The following GUCY1A2 variants were observed in gnomAD, a reference collection of about 807,000 sequenced individuals.
GUCY1A2 encodes the protein guanylate cyclase soluble subunit alpha-2.
A neutral mutation model predicts 63.5 loss-of-function variants in GUCY1A2; 27 were observed. The observed-to-expected ratio is 0.43, with a 90% CI of 0.31 to 0.59. The LOEUF is 0.59. GUCY1A2 is among the 20% of genes least tolerant of loss of function. GUCY1A2 has a pLI of 0.11. For synonymous variants in GUCY1A2, 364 were observed against 343.5 expected, an observed-to-expected ratio of 1.06 and a Z score of -0.66; for missense variants, 768 against 913.3, an observed-to-expected ratio of 0.84 and a Z score of 2.05.
intron 6 of GUCY1A2, among the ~76,000 whole-genome samples, chr11:106,752,929 C>T (rs1332045184): frequency 6.6e-6 from 1 of 152,154 alleles, no homozygotes; most frequent in Non-Finnish European, 1.5e-5. Flanking sequence ...CTTGAGGAAT[C>T]ACCACACTGT....
intron 5 of GUCY1A2, among the ~76,000 whole-genome samples, chr11:106,787,108 CTTT>C (rs1864569240): frequency 1.4e-5 from 2 of 140,260 alleles, no homozygotes; most frequent in Non-Finnish European, 3.2e-5. Flanking sequence ...GTGGTGGTTT[CTTT>C]TTTATTAATT....
chr11:106,854,713 G>A lies in GUCY1A2; in HGVS notation c.1207-44235C>T, dbSNP rs149451253. On this transcript the variant is annotated intron_variant, in intron 4 of 7. Coordinates refer to ENST00000526355, the MANE Select transcript of GUCY1A2 (RefSeq NM_000855.3). ...GGGGCAGGCCAATATGCAGGTATCC[G>A]GAGGGTGTATGTGGGCACTGGAGAC... is the stretch of plus-strand genomic sequence containing the variant. Among the ~76,000 whole-genome samples, 906 of 152,198 alleles carry A rather than the reference G, an allele frequency of 6.0e-3. 6 individuals are homozygous for A. The highest frequency in any genetic ancestry group is 0.015 in the Admixed American group (222 of 15,278).
chr11:106,897,144 G>A (rs1442090035), intron 4 of GUCY1A2, among the ~76,000 whole-genome samples: 1 of 151,962 alleles, frequency 6.6e-6, no homozygotes, highest in African/African-American at 2.4e-5. Flanking sequence ...TAAAAAATAT[G>A]TACAAGATCA....
chr11:106,999,822 G>T (rs1479548610), intron 1 of GUCY1A2, among the ~76,000 whole-genome samples: 1 of 152,102 alleles, frequency 6.6e-6, no homozygotes, highest in Non-Finnish European at 1.5e-5. Flanking sequence ...AAAACAATTG[G>T]ATATTTGTGT....
intron 6 of GUCY1A2, among the ~76,000 whole-genome samples, chr11:106,758,979 T>C (rs1385342458): frequency 6.6e-6 from 1 of 152,078 alleles, no homozygotes; most frequent in Non-Finnish European, 1.5e-5. Context: ...TAGCATTTCA[T>C]TTAGTTAGGA....
chr11:106,983,409 C>T (rs1019091734), intron 2 of GUCY1A2, among the ~76,000 whole-genome samples: 2 of 152,188 alleles, frequency 1.3e-5, no homozygotes, highest in African/African-American at 2.4e-5. Context: ...GCCCCATCAG[C>T]TACTCCCTCC....
At chr11:106,936,565 G>T in intron 4 of GUCY1A2, 1 of 694,450 alleles carries the variant, frequency 1.4e-6, no homozygotes, top group Non-Finnish European at 2.5e-6. Flanking sequence ...TGTGAGGCAT[G>T]GATGATCACT....
intron 5 of GUCY1A2, among the ~76,000 whole-genome samples, chr11:106,806,593 T>C (rs1858690098): frequency 6.6e-6 from 1 of 152,228 alleles, no homozygotes. Flanking sequence ...GAGAACAATC[T>C]GAGAAGCAAA....
chr11:106,718,632 T>C (rs1037384869), intron 6 of GUCY1A2, among the ~76,000 whole-genome samples: 1 of 152,088 alleles, frequency 6.6e-6, no homozygotes, highest in African/African-American at 2.4e-5. Flanking sequence ...GCAAAAAAAG[T>C]CTTAAAAATC....
chr11:106,937,186 TC>T (rs1350026110), intron 4 of GUCY1A2, among the ~76,000 whole-genome samples: 1 of 152,186 alleles, frequency 6.6e-6, no homozygotes, highest in Non-Finnish European at 1.5e-5. Flanking sequence ...TAGATTTCTA[TC>T]CTTATTTTAA....
intron 4 of GUCY1A2, among the ~76,000 whole-genome samples, chr11:106,914,004 G>T (rs1018519529): frequency 3.0e-5 from 4 of 133,674 alleles, no homozygotes; most frequent in Non-Finnish European, 6.4e-5. Flanking sequence ...AAAAAAAAAA[G>T]AAAGAAAGAA....
chr11:106,970,353 A>G (rs935122274), intron 3 of GUCY1A2, among the ~76,000 whole-genome samples: 22 of 152,200 alleles, frequency 1.4e-4, no homozygotes, highest in African/African-American at 5.3e-4. Context: ...CTATTACAGT[A>G]GTATCATGGG....
At chr11:106,864,720 T>C (rs1391840904) in intron 4 of GUCY1A2, among the ~76,000 whole-genome samples, 1 of 152,186 alleles carries the variant, frequency 6.6e-6, no homozygotes, top group African/African-American at 2.4e-5. Context: ...ATTACCTTTA[T>C]TGAGTCACAT....
intron 1 of GUCY1A2, among the ~76,000 whole-genome samples, chr11:107,004,089 G>A (rs1861642283): frequency 6.6e-6 from 1 of 152,110 alleles, no homozygotes; most frequent in South Asian, 2.1e-4. Flanking sequence ...AATATATAGA[G>A]AGGACTAATG....
intron 4 of GUCY1A2, chr11:106,827,900 C>T: frequency 1.3e-6 from 2 of 1,498,722 alleles, no homozygotes; most frequent in Non-Finnish European, 1.9e-6. Context: ...TGCTGCCGGA[C>T]TCCCAGTGGT....
At chr11:106,860,285 T>G (rs1217983015) in intron 4 of GUCY1A2, among the ~76,000 whole-genome samples, 4 of 151,852 alleles carry the variant, frequency 2.6e-5, no homozygotes, top group Admixed American at 1.3e-4. Context: ...GATTTTTTTT[T>G]TTTTGCTGTG....
At chr11:106,753,870 A>T (rs2135386932) in intron 6 of GUCY1A2, among the ~76,000 whole-genome samples, 1 of 152,292 alleles carries the variant, frequency 6.6e-6, no homozygotes, top group South Asian at 2.1e-4. Flanking sequence ...AATTTAAAGT[A>T]GTTTTTTCCA....
chr11:106,874,219 G>A (rs868696635), intron 4 of GUCY1A2, among the ~76,000 whole-genome samples: 2 of 152,066 alleles, frequency 1.3e-5, no homozygotes, highest in Non-Finnish European at 2.9e-5. Context: ...CCACACAGCT[G>A]GATGTTATGT....
chr11:107,002,455 C>A (rs1014200052), intron 1 of GUCY1A2, among the ~76,000 whole-genome samples: 14 of 151,278 alleles, frequency 9.3e-5, no homozygotes, highest in African/African-American at 3.2e-4. Flanking sequence ...TTTATAACTA[C>A]ATATATATAT....
Sources: allele counts gnomAD v4.1 joint callset (sites outside exome capture counted in the v4.1 genomes callset), GRCh38; gene constraint gnomAD v4.1.1; transcripts MANE v1.5; gene names NCBI Gene and HGNC (gene_info 2026-07-23, HGNC 2026-07-21).